GABRG3: variants seen among roughly 807,000 people sequenced by gnomAD.
GABRG3 encodes gamma-aminobutyric acid receptor subunit gamma-3.
A neutral mutation model predicts 48.8 loss-of-function variants in GABRG3; 25 were observed. The observed-to-expected ratio is 0.51, with a 90% CI of 0.37 to 0.72. The LOEUF is 0.72. GABRG3 is among the 30% of genes least tolerant of loss of function. The pLI is 0.00. For synonymous variants in GABRG3, 227 were observed against 217.6 expected (o/e 1.04, Z -0.38); for missense variants, 394 against 577.9 (o/e 0.68, Z 3.26).
At chr15:27,230,712 A>G (rs1223778953) in intron 3 of GABRG3, among the ~76,000 whole-genome samples, 1 of 152,194 alleles carries the variant, frequency 6.6e-6, no homozygotes, top group East Asian at 1.9e-4. Flanking sequence ...AATAGCTGCC[A>G]TTTGAAAATG....
intron 3 of GABRG3, among the ~76,000 whole-genome samples, chr15:27,120,801 A>C (rs1566940378): frequency 6.6e-6 from 1 of 152,102 alleles, no homozygotes; most frequent in Non-Finnish European, 1.5e-5. Flanking sequence ...GTCTCACATA[A>C]TATAGATATT....
At chr15:27,279,015 C>T (rs1267235753) in intron 3 of GABRG3, among the ~76,000 whole-genome samples, 2 of 152,160 alleles carry the variant, frequency 1.3e-5, no homozygotes, top group African/African-American at 4.8e-5. Context: ...AAGTTTATGG[C>T]TTTAATTTGC....
chr15:27,152,452 G>A (rs184813077), intron 3 of GABRG3, among the ~76,000 whole-genome samples: 12 of 152,166 alleles, frequency 7.9e-5, no homozygotes, highest in African/African-American at 2.6e-4. Flanking sequence ...TAAAAAATTG[G>A]TTTTGCTATT....
intron 5 of GABRG3, among the ~76,000 whole-genome samples, chr15:27,461,366 AT>A (rs1889441617): frequency 6.6e-6 from 1 of 152,204 alleles, no homozygotes; most frequent in Admixed American, 6.5e-5. Flanking sequence ...ATAGTGCTGC[AT>A]TCCGTGCCAT....
At chr15:27,324,454 C>G (rs1368393803) in intron 3 of GABRG3, among the ~76,000 whole-genome samples, 2 of 152,080 alleles carry the variant, frequency 1.3e-5, no homozygotes, top group Non-Finnish European at 2.9e-5. Flanking sequence ...AGGGTGGGGC[C>G]CCTGAGGTAT....
chr15:27,505,901 T>C (rs1014730627), intron 6 of GABRG3, among the ~76,000 whole-genome samples: 14 of 152,188 alleles, frequency 9.2e-5, no homozygotes, highest in Non-Finnish European at 1.6e-4. Context: ...TGAATGGTAT[T>C]TTTAGAAAGA....
At chr15:27,408,593 C>T (rs943825987) in intron 5 of GABRG3, among the ~76,000 whole-genome samples, 21 of 152,192 alleles carry the variant, frequency 1.4e-4, no homozygotes, top group African/African-American at 4.3e-4. Flanking sequence ...AGAAATGCAG[C>T]GGTAATAGCT....
chr15:27,248,189 C>T (rs1409080348), intron 3 of GABRG3, among the ~76,000 whole-genome samples: 21 of 152,188 alleles, frequency 1.4e-4, no homozygotes, highest in Admixed American at 1.4e-3. Context: ...CCTGTCTTGC[C>T]TGCAGTTTCT....
chr15:27,335,717 A>G (rs1893941624), intron 5 of GABRG3, among the ~76,000 whole-genome samples: 1 of 152,126 alleles, frequency 6.6e-6, no homozygotes, highest in Non-Finnish European at 1.5e-5. Flanking sequence ...GTGTGGGAGG[A>G]TGAGCAGGTT....
chr15:27,432,346 T>C (rs1888480116), intron 5 of GABRG3, among the ~76,000 whole-genome samples: 1 of 152,234 alleles, frequency 6.6e-6, no homozygotes, highest in African/African-American at 2.4e-5. Flanking sequence ...TATTACTTTA[T>C]GTAGTTGCCT....
chr15:27,229,471 G>T (rs1200170322), intron 3 of GABRG3, among the ~76,000 whole-genome samples: 3 of 151,562 alleles, frequency 2.0e-5, no homozygotes, highest in African/African-American at 4.9e-5. Flanking sequence ...GTGTGTGTGT[G>T]TGTTGTTGTT....
intron 5 of GABRG3, among the ~76,000 whole-genome samples, chr15:27,454,542 C>T (rs1208204773): frequency 1.3e-5 from 2 of 152,176 alleles, no homozygotes; most frequent in Non-Finnish European, 2.9e-5. Context: ...TCCAAGGCGC[C>T]TCATGACTCA....
intron 2 of GABRG3, 69 bp downstream of exon 2, chr15:26,977,219 TA>T: frequency 1.4e-6 from 2 of 1,468,074 alleles, no homozygotes; most frequent in Non-Finnish European, 1.9e-6. Context: ...TACTTTTGAG[TA>T]ATTGTGAATT....
chr15:27,253,322 G>A (rs1268741024), intron 3 of GABRG3, among the ~76,000 whole-genome samples: 1 of 152,188 alleles, frequency 6.6e-6, no homozygotes, highest in African/African-American at 2.4e-5. Flanking sequence ...TGGGATGCTG[G>A]GAGGGGCCTG....
At chr15:27,033,255 G>T (rs1896117938) in intron 3 of GABRG3, among the ~76,000 whole-genome samples, 1 of 152,006 alleles carries the variant, frequency 6.6e-6, no homozygotes, top group African/African-American at 2.4e-5. Context: ...GAAGTGGCGT[G>T]CAGGAAATGT....
At chr15:27,124,202 T>C (rs1207032238) in intron 3 of GABRG3, among the ~76,000 whole-genome samples, 1 of 152,228 alleles carries the variant, frequency 6.6e-6, no homozygotes, top group East Asian at 1.9e-4. Flanking sequence ...CTTCTGGATA[T>C]TGTAAAGCCA....
chr15:27,077,669 A>C (rs1345246007), intron 3 of GABRG3, among the ~76,000 whole-genome samples: 3 of 152,164 alleles, frequency 2.0e-5, no homozygotes, highest in Non-Finnish European at 4.4e-5. Flanking sequence ...TTGGGTAAAG[A>C]TGGAAGCAAC....
chr15:27,528,635 A>G (rs1354229043), intron 9 of GABRG3, among the ~76,000 whole-genome samples: 1 of 152,170 alleles, frequency 6.6e-6, no homozygotes, highest in African/African-American at 2.4e-5. Flanking sequence ...CTTTCCCTGC[A>G]TTCAGTTTGG....
chr15:27,284,010 C>T (rs2140481505), intron 3 of GABRG3, among the ~76,000 whole-genome samples: 1 of 152,106 alleles, frequency 6.6e-6, no homozygotes, highest in South Asian at 2.1e-4. Flanking sequence ...TCTTCTTTGC[C>T]CAAAGAACTC....
Sources: gnomAD v4.1 joint callset for allele counts (sites outside exome capture counted in the v4.1 genomes callset) on GRCh38, gnomAD v4.1.1 for gene constraint, MANE v1.5 for transcripts, NCBI Gene and HGNC (gene_info 2026-07-23, HGNC 2026-07-21) for gene names.